PHTF1: variants seen among roughly 807,000 people sequenced by gnomAD.
The protein encoded by PHTF1 is protein PHTF1.
Under a neutral mutation model 102.4 loss-of-function variants are expected in PHTF1, and 88 were observed. That is an observed-to-expected ratio of 0.86 (90% CI 0.72 to 1.03). The LOEUF is 1.03. Ranked by LOEUF, PHTF1 falls within the 50% of genes least tolerant of loss-of-function variation. The probability of loss-of-function intolerance (pLI) is 0.00; values close to 1 mark genes in which losing one functional copy is unlikely to be tolerated. For missense variants in PHTF1, 814 were observed against 909.5 expected (o/e 0.89, Z 1.35); for synonymous variants, 289 against 305.2 (o/e 0.95, Z 0.55).
chr1:113,706,851 C>CTTTTTTTTTTT (rs11363653), intron 11 of PHTF1, 129 bp from the exon 12 acceptor site: 83 of 217,602 alleles, frequency 3.8e-4, no homozygotes, highest in African/African-American at 9.3e-4. Context: ...TTCTTTCTTT[C>CTTTTTTTTTTT]TTTTTTTTTT....
At chr1:113,752,385 ATTTTTTTTTTTTT>A (rs774522219) in intron 3 of PHTF1, among the ~76,000 whole-genome samples, 3 of 47,888 alleles carry the variant, frequency 6.3e-5, no homozygotes, top group Middle Eastern at 0.02. Flanking sequence ...TGTTACTGTA[ATTTTTTTTTTTTT>A]TTTTTTTTTT....
chr1:113,750,665 G>A (rs1657927783), intron 3 of PHTF1, among the ~76,000 whole-genome samples: 1 of 150,784 alleles, frequency 6.6e-6, no homozygotes, highest in African/African-American at 2.4e-5. Flanking sequence ...GAGCCATCCT[G>A]GCCAACATGG....
chr1:113,736,986 T>C (rs1655598610), intron 5 of PHTF1, among the ~76,000 whole-genome samples: 1 of 152,166 alleles, frequency 6.6e-6, no homozygotes, highest in African/African-American at 2.4e-5. Context: ...TTAAAAGATT[T>C]TGCTAATTGC....
intron 3 of PHTF1, among the ~76,000 whole-genome samples, chr1:113,754,915 T>C (rs1467491246): frequency 6.6e-6 from 1 of 152,154 alleles, no homozygotes; most frequent in Non-Finnish European, 1.5e-5. Flanking sequence ...ACTTACTTGC[T>C]CTTCCTCTAA....
intron 7 of PHTF1, among the ~76,000 whole-genome samples, chr1:113,718,146 C>T (rs779763153): frequency 2.0e-4 from 31 of 152,102 alleles, no homozygotes; most frequent in Admixed American, 9.8e-4. Context: ...TAAATACACA[C>T]GTTCAAAATG....
intron 7 of PHTF1, among the ~76,000 whole-genome samples, chr1:113,723,016 G>A (rs188343859): frequency 1.1e-4 from 16 of 151,582 alleles, no homozygotes; most frequent in African/African-American, 2.4e-4. Context: ...CAAAGCTATC[G>A]TAAGTAAAAA....
Position 113,742,316 on chromosome 1 carries a change from C to G in PHTF1, c.103-3517G>C, listed in dbSNP as rs545030137. 2.0e-5 allele frequency among the ~76,000 whole-genome samples: 3 copies of G among 152,184 alleles called. No individual in the cohort carries two copies. In the East Asian group the frequency reaches 5.8e-4, roughly 29 times the overall value. Reference sequence around the variant, plus strand: ...TTTGTGTCTAAACCTAAAAAAGGTACAGTAAAAATATGGTATAAAAAATGG... The same window carrying G: ...TTTGTGTCTAAACCTAAAAAAGGTAGAGTAAAAATATGGTATAAAAAATGG... On this transcript the variant is annotated intron_variant, in intron 3 of 18. Transcript: ENST00000369604.
chr1:113,722,870 A>G (rs1653185169), intron 7 of PHTF1, among the ~76,000 whole-genome samples: 1 of 151,338 alleles, frequency 6.6e-6, no homozygotes, highest in South Asian at 2.1e-4. Flanking sequence ...CAGTGAGCCG[A>G]GATCGCGCCA....
At chr1:113,710,812 T>TATATATA (rs67769017) in intron 10 of PHTF1, among the ~76,000 whole-genome samples, 140 of 59,418 alleles carry the variant, frequency 2.4e-3, no homozygotes, top group African/African-American at 6.0e-3. Context: ...ATATATATAT[T>TATATATA]TTTTTTTTTT....
Position 113,759,070 on chromosome 1 carries a change from G to A in PHTF1, c.-78C>T. 3 of 999,516 alleles carry A rather than the reference G, an allele frequency of 3.0e-6. No homozygotes were observed. The highest frequency in any genetic ancestry group is 3.6e-6 in the Non-Finnish European group (3 of 839,616). The allele number at this position is 999,516 out of a possible 1,614,324, so 61.9% of individuals were successfully genotyped here. A position where few individuals can be genotyped will look rare whatever the true frequency, so the allele number is the denominator to read the frequency against. On this transcript the variant is annotated 5_prime_UTR_variant, in exon 1 of 19. Transcript: ENST00000369604. ...CCGGCGCCCGGGACCTCCGTCCTCA[G>A]TGCCCGGGGTCCCACCGTGAGGCCG...
In PHTF1 at chr1:113,706,104, C is replaced by T; in HGVS notation, c.1457G>A (p.Gly486Glu). ...ATGTAAGAATGGAAAAAATGCTAAT[C>T]CAATAGTGACAACATTTCCCAGCAT... is the stretch of plus-strand genomic sequence containing the variant. ...YQMLGNVVTI[G>E]LAFFPFLHRL... The change falls in exon 13 of 19, where the codon GGA (glycine) becomes GAA (glutamate). Residue 486 changes from glycine (G) to glutamate (E), a missense_variant. Coordinates refer to ENST00000369604, the MANE Select transcript of PHTF1 (RefSeq NM_001323043.2). The T allele has an allele frequency of 6.2e-7, 1 of 1,613,896 alleles. No individual in the cohort carries two copies. Among genetic ancestry groups the T allele is most frequent in the Non-Finnish European group, 8.5e-7 (1 of 1,179,820 alleles).
chr1:113,751,079 T>C (rs962601942), intron 3 of PHTF1, among the ~76,000 whole-genome samples: 2 of 152,188 alleles, frequency 1.3e-5, no homozygotes, highest in Non-Finnish European at 2.9e-5. Flanking sequence ...CTAGGCAATG[T>C]GGTGAGACCT....
At chr1:113,721,268 AAAT>A (rs1652897907) in intron 7 of PHTF1, among the ~76,000 whole-genome samples, 1 of 152,252 alleles carries the variant, frequency 6.6e-6, no homozygotes, top group African/African-American at 2.4e-5. Context: ...TAATCATTTC[AAAT>A]GATGATGAAA....
chr1:113,719,280 G>A (rs1652548348), intron 7 of PHTF1, among the ~76,000 whole-genome samples: 1 of 152,138 alleles, frequency 6.6e-6, no homozygotes, highest in African/African-American at 2.4e-5. Context: ...TGGGATTACA[G>A]GCGTGAGCCA....
intron 5 of PHTF1, among the ~76,000 whole-genome samples, chr1:113,731,097 A>T (rs763216561): frequency 6.6e-6 from 1 of 152,180 alleles, no homozygotes; most frequent in Non-Finnish European, 1.5e-5. Context: ...TAATGGTTGT[A>T]TTCCAGTATC....
intron 5 of PHTF1, among the ~76,000 whole-genome samples, chr1:113,726,988 T>C (rs1437928035): frequency 6.6e-6 from 1 of 152,154 alleles, no homozygotes; most frequent in Non-Finnish European, 1.5e-5. Context: ...TCTTAACTAC[T>C]ATGCTATGTT....
At chr1:113,753,232 T>C (rs1348817774) in intron 3 of PHTF1, among the ~76,000 whole-genome samples, 2 of 152,006 alleles carry the variant, frequency 1.3e-5, no homozygotes, top group African/African-American at 4.8e-5. Context: ...GATGTCTTTG[T>C]CTGGTTTAGG....
chr1:113,711,750 C>A lies in PHTF1; in HGVS notation c.1043G>T (p.Ser348Ile). 1 of 1,611,078 alleles carries A rather than the reference C, an allele frequency of 6.2e-7. No individual in the cohort carries two copies. The highest frequency in any genetic ancestry group is 8.5e-7 in the Non-Finnish European group (1 of 1,177,228). The change falls in exon 10 of 19, where the codon AGC (serine) becomes ATC (isoleucine). Residue 348 changes from serine to isoleucine, a missense_variant. Physicochemically the swap from Ser to Ile is moderately radical, Grantham distance 142. Coordinates refer to ENST00000369604, the MANE Select transcript of PHTF1 (RefSeq NM_001323043.2). ...TTTCTCAAAGGGATACTTTACCTGGCTGAAGGCTGCTGATTCAAATTCTGA... is the reference window on the plus strand; with the variant it reads ...TTTCTCAAAGGGATACTTTACCTGGATGAAGGCTGCTGATTCAAATTCTGA... ...AESEFESAAF[S>I]QGSRSGVSGG...
At chr1:113,734,425 A>C (rs559482872) in intron 5 of PHTF1, among the ~76,000 whole-genome samples, 3 of 152,224 alleles carry the variant, frequency 2.0e-5, no homozygotes, top group Non-Finnish European at 4.4e-5. Flanking sequence ...ATGAGAAATA[A>C]TATGTTATTA....
Sources: gnomAD v4.1 joint callset for allele counts (sites outside exome capture counted in the v4.1 genomes callset) on GRCh38, gnomAD v4.1.1 for gene constraint, MANE v1.5 for transcripts, NCBI Gene and HGNC (gene_info 2026-07-23, HGNC 2026-07-21) for gene names.